TTLL11: variants seen among roughly 807,000 people sequenced by gnomAD.
The protein encoded by TTLL11 is tubulin polyglutamylase TTLL11.
TTLL11 carries 42 observed loss-of-function variants against 51.7 expected under a neutral mutation model. That is an observed-to-expected ratio of 0.81 (90% CI 0.64 to 1.05). The LOEUF (loss-of-function observed/expected upper bound fraction) is 1.05. TTLL11 is among the 50% of genes least tolerant of loss of function. TTLL11 has a pLI of 0.00. For missense variants in TTLL11, 799 were observed against 940.4 expected, an observed-to-expected ratio of 0.85 and a Z score of 1.97; for synonymous variants, 381 against 383.5, an observed-to-expected ratio of 0.99 and a Z score of 0.08.
At chr9:121,988,284 C>T (rs1246417952) in intron 4 of TTLL11, among the ~76,000 whole-genome samples, 1 of 152,184 alleles carries the variant, frequency 6.6e-6, no homozygotes, top group Non-Finnish European at 1.5e-5. Flanking sequence ...GTGTTCTCTA[C>T]TCTGTAGACA....
At chr9:121,949,276 C>T (rs928924142) in intron 6 of TTLL11, among the ~76,000 whole-genome samples, 3 of 152,182 alleles carry the variant, frequency 2.0e-5, no homozygotes, top group East Asian at 1.9e-4. Context: ...ATAAAACCCA[C>T]GCTCAAGCTT....
intron 3 of TTLL11, among the ~76,000 whole-genome samples, chr9:122,013,294 C>T (rs551055875): frequency 2.0e-5 from 3 of 152,132 alleles, no homozygotes; most frequent in Non-Finnish European, 4.4e-5. Context: ...TGAGAGAGTA[C>T]AGGATTGGGA....
chr9:121,959,379 C>A (rs2131621343), intron 6 of TTLL11, among the ~76,000 whole-genome samples: 1 of 152,334 alleles, frequency 6.6e-6, no homozygotes, highest in Middle Eastern at 3.4e-3. Context: ...ATGTACCCAA[C>A]TACCTATTAG....
intron 6 of TTLL11, among the ~76,000 whole-genome samples, chr9:121,965,361 G>A (rs1182023627): frequency 3.3e-5 from 5 of 152,222 alleles, no homozygotes; most frequent in African/African-American, 4.8e-5. Flanking sequence ...GGAAGGCAAA[G>A]GGGAAGCAAG....
intron 6 of TTLL11, among the ~76,000 whole-genome samples, chr9:121,950,883 T>C (rs1841832624): frequency 6.7e-6 from 1 of 150,262 alleles, no homozygotes; most frequent in Non-Finnish European, 1.5e-5. Context: ...AATAATACCT[T>C]ATAGGGTTAC....
intron 6 of TTLL11, among the ~76,000 whole-genome samples, chr9:121,942,502 T>C (rs1421285363): frequency 1.3e-5 from 2 of 152,214 alleles, no homozygotes; most frequent in African/African-American, 4.8e-5. Flanking sequence ...ACTGTAACCC[T>C]GTAACCCCAG....
chr9:121,915,551 C>T (rs1385656188), intron 6 of TTLL11, among the ~76,000 whole-genome samples: 2 of 152,134 alleles, frequency 1.3e-5, no homozygotes, highest in African/African-American at 4.8e-5. Context: ...AAGTTTCTTT[C>T]TTGAATCAGA....
chr9:121,843,570 A>C (rs1473807263), intron 8 of TTLL11, among the ~76,000 whole-genome samples: 1 of 152,184 alleles, frequency 6.6e-6, no homozygotes, highest in East Asian at 1.9e-4. Flanking sequence ...CTCATGCTTC[A>C]GAAAGGGGTG....
intron 8 of TTLL11, among the ~76,000 whole-genome samples, chr9:121,826,520 T>C (rs1287421730): frequency 8.3e-5 from 5 of 60,264 alleles, no homozygotes; most frequent in African/African-American, 3.7e-4. Flanking sequence ...TATATGTATA[T>C]ATATATATGT....
At chr9:122,035,170 T>G (rs1844668607) in intron 2 of TTLL11, among the ~76,000 whole-genome samples, 1 of 152,192 alleles carries the variant, frequency 6.6e-6, no homozygotes, top group Non-Finnish European at 1.5e-5. Context: ...AAGCCCACCC[T>G]GCAAGGGCTG....
intron 8 of TTLL11, among the ~76,000 whole-genome samples, chr9:121,852,379 G>A (rs7042080): frequency 6.6e-6 from 1 of 152,152 alleles, no homozygotes; most frequent in Non-Finnish European, 1.5e-5. Context: ...GGCTTCCCGA[G>A]GGAAGGTAGC....
rs145134689 is a variant in TTLL11, at chr9:121,826,978, G to A, written c.1841-4099C>T. Among the ~76,000 whole-genome samples the A allele has an allele frequency of 6.1e-3, 932 of 152,176 alleles. 8 individuals carry two copies. Among genetic ancestry groups the A allele is most frequent in the Middle Eastern group, 0.01 (3 of 294 alleles). On this transcript the variant is annotated intron_variant, in intron 8 of 8. Transcript: ENST00000321582. ...AAAGGGACTAAACCCAGAGAGCACC[G>A]GTGGTCACTGTGGGGCTGGGGTCAA... is the stretch of plus-strand genomic sequence containing the variant.
At position 121,989,390 on chromosome 9, in the gene TTLL11, G is replaced by T; in HGVS notation, c.1074C>A (p.Asp358Glu). 1.2e-5 allele frequency: 19 copies of T among 1,614,180 alleles called. No individual in the cohort carries two copies. The highest frequency in any genetic ancestry group is 1.5e-5 in the Non-Finnish European group (18 of 1,180,038). Residue 358 changes from aspartate to glutamate, a missense_variant, in exon 4 of 9, where the codon GAC becomes GAA. Coordinates refer to ENST00000321582, the MANE Select transcript of TTLL11 (RefSeq NM_001139442.2). This position sits in a 1 kb window ranked among gnomAD's most constrained non-coding sequence, Gnocchi z 4.2. The part of the protein sequence containing the change: ...NIHSGNFIHS[D>E]SASTGSKRTF... The stretch of plus-strand genomic sequence containing the variant: ...TCCTTTTGCTGCCAGTGCTAGCACT[G>T]TCCGAGTGGATGAAGTTGCCGCTGT...
intron 6 of TTLL11, among the ~76,000 whole-genome samples, chr9:121,872,708 G>A (rs1838397957): frequency 1.3e-5 from 2 of 152,174 alleles, no homozygotes; most frequent in Admixed American, 1.3e-4. Flanking sequence ...CTCCTTAGTG[G>A]GTCTTGATGC....
chr9:122,068,746 C>G (rs766932088), intron 1 of TTLL11, among the ~76,000 whole-genome samples: 1 of 152,210 alleles, frequency 6.6e-6, no homozygotes, highest in African/African-American at 2.4e-5. Flanking sequence ...TCCATTTCCT[C>G]TTATTCCTGG....
At chr9:122,016,337 T>G (rs558966710) in intron 3 of TTLL11, among the ~76,000 whole-genome samples, 1 of 152,142 alleles carries the variant, frequency 6.6e-6, no homozygotes, top group Non-Finnish European at 1.5e-5. Flanking sequence ...CTGCCGAGGT[T>G]GGCAAGGGCT....
chr9:122,045,009 A>C (rs1164495010), intron 1 of TTLL11, among the ~76,000 whole-genome samples: 1 of 151,970 alleles, frequency 6.6e-6, no homozygotes, highest in Non-Finnish European at 1.5e-5. Context: ...GGGAAGCTGA[A>C]GCAGGAGGAT....
rs756746516 is a variant in TTLL11, at chr9:121,989,940, T to C, written c.694-170A>G. Among the ~76,000 whole-genome samples the C allele has an allele frequency of 1.3e-5, 2 of 152,236 alleles. No individual in the cohort carries two copies. The highest frequency in any genetic ancestry group is 2.4e-5 in the African/African-American group (1 of 41,460). On this transcript the variant is annotated intron_variant, in intron 3 of 8. Transcript: ENST00000321582. The surrounding 1 kb of genome is among the most constrained non-coding windows in gnomAD (Gnocchi z 4.2). ...GATGACACTGCACAAGGTACTGAGA[T>C]GGTGACATCAGGACTGTCCCCAGTC...
At chr9:121,847,792 A>T (rs765456735) in intron 8 of TTLL11, among the ~76,000 whole-genome samples, 12 of 152,256 alleles carry the variant, frequency 7.9e-5, no homozygotes, top group Non-Finnish European at 1.2e-4. Context: ...ACACTTCCTA[A>T]CTCATTCTGT....
Sources: gnomAD v4.1 joint callset for allele counts (sites outside exome capture counted in the v4.1 genomes callset) on GRCh38, gnomAD v4.1.1 for gene constraint, Gnocchi (gnomAD v3.1) non-coding constraint, MANE v1.5 for transcripts, NCBI Gene and HGNC (gene_info 2026-07-23, HGNC 2026-07-21) for gene names.